Variants in FRMD6 observed in about 807,000 individuals in gnomAD.
The protein encoded by FRMD6 is FERM domain-containing protein 6.
A neutral mutation model predicts 73.2 loss-of-function variants in FRMD6; 37 were observed. That is an observed-to-expected ratio of 0.51 (90% confidence interval 0.39 to 0.66). The LOEUF (loss-of-function observed/expected upper bound fraction) is 0.66. Ranked by LOEUF, FRMD6 falls within the 30% of genes least tolerant of loss-of-function variation. The pLI is 0.00. For synonymous variants in FRMD6, 273 were observed against 282.2 expected, an observed-to-expected ratio of 0.97 and a Z score of 0.33; for missense variants, 714 against 780.5, an observed-to-expected ratio of 0.91 and a Z score of 1.02.
chr14:51,614,030 C>G (rs1216690629), intron 2 of FRMD6, among the ~76,000 whole-genome samples: 3 of 152,130 alleles, frequency 2.0e-5, no homozygotes, highest in Admixed American at 1.3e-4. Context: ...ATCAAACACT[C>G]AATAGCCACA....
At chr14:51,686,629 G>A (rs1169568391) in intron 1 of FRMD6, among the ~76,000 whole-genome samples, 1 of 151,362 alleles carries the variant, frequency 6.6e-6, no homozygotes, top group African/African-American at 2.4e-5. Context: ...TTTGTTCCCT[G>A]GAAAATATGT....
rs568146995 is a variant in FRMD6, at chr14:51,676,430, T to G, written c.-146-13261T>G. On this transcript the variant is annotated intron_variant, in intron 1 of 13. Transcript: ENST00000344768. ...TAGTTTCAGATCCCTGGAAACAAAC[T>G]GTGTAGTAAGTGAAATAACATTTTT... is the stretch of plus-strand genomic sequence containing the variant. Among the ~76,000 whole-genome samples, 3 of 152,312 alleles carry G rather than the reference T, an allele frequency of 2.0e-5. No individual in the cohort carries two copies. In the South Asian group the frequency reaches 6.2e-4, roughly 32 times the overall value.
intron 1 of FRMD6, among the ~76,000 whole-genome samples, chr14:51,514,736 T>C (rs1884522302): frequency 6.6e-6 from 1 of 152,130 alleles, no homozygotes. Flanking sequence ...TAATCCCAGC[T>C]ACTCGGGTGG....
intron 1 of FRMD6, among the ~76,000 whole-genome samples, chr14:51,679,767 C>A (rs770134587): frequency 7.9e-5 from 12 of 152,038 alleles, no homozygotes; most frequent in Non-Finnish European, 1.8e-4. Flanking sequence ...AGTTGATTAA[C>A]AGAATTATGC....
chr14:51,452,042 G>A, the FRMD6 span, among the ~76,000 whole-genome samples: 2 of 152,178 alleles, frequency 1.3e-5, no homozygotes, highest in African/African-American at 4.8e-5. Flanking sequence ...TGAGATTGGT[G>A]TTTTAAAACT....
chr14:51,636,458 C>T lies in FRMD6; in HGVS notation c.-146-53233C>T, dbSNP rs376449519. On this transcript the variant is annotated intron_variant, in intron 2 of 14. Coordinates refer to the FRMD6 transcript ENST00000356218. ...GCCGTAAAGTTCTATTCCTTTCTGC[C>T]AATAACTAAATTGCGCTGGCTGGGC... Among the ~76,000 whole-genome samples the T allele has an allele frequency of 7.9e-5, 12 of 152,230 alleles. No homozygotes were observed. In the East Asian group the frequency reaches 2.1e-3, roughly 27 times the overall value.
the FRMD6 span, among the ~76,000 whole-genome samples, chr14:51,415,321 G>A: frequency 6.6e-5 from 10 of 152,256 alleles, no homozygotes; most frequent in African/African-American, 2.2e-4. Flanking sequence ...TTATTTTGAG[G>A]TAGGTTCCAT....
chr14:51,486,550 A>G (rs1468317398), upstream of FRMD6, among the ~76,000 whole-genome samples: 1 of 152,228 alleles, frequency 6.6e-6, no homozygotes, highest in Non-Finnish European at 1.5e-5. Context: ...ACTGGCACTG[A>G]AAACATAGAA....
chr14:51,683,526 A>T (rs1894954106), intron 1 of FRMD6, among the ~76,000 whole-genome samples: 1 of 151,696 alleles, frequency 6.6e-6, no homozygotes, highest in African/African-American at 2.4e-5. Flanking sequence ...TAACCTCAAT[A>T]AATTTTCCTG....
chr14:51,527,206 A>C (rs1566794059), intron 1 of FRMD6, among the ~76,000 whole-genome samples: 1 of 152,274 alleles, frequency 6.6e-6, no homozygotes, highest in Admixed American at 6.5e-5. Flanking sequence ...CCATTATTTA[A>C]ATAATCTCAT....
At chr14:51,468,839 T>C in the FRMD6 span, among the ~76,000 whole-genome samples, 7 of 152,358 alleles carry the variant, frequency 4.6e-5, no homozygotes, top group South Asian at 1.5e-3. Flanking sequence ...AGGTGATAAA[T>C]TTTGCGAATG....
chr14:51,505,167 G>A (rs772802139), intron 1 of FRMD6, among the ~76,000 whole-genome samples: 1 of 152,098 alleles, frequency 6.6e-6, no homozygotes, highest in African/African-American at 2.4e-5. Context: ...TCTGTCCCCC[G>A]AATATTCTCC....
At chr14:51,727,635 T>C in intron 13 of FRMD6, 110 bp from the exon 14 acceptor site, 1 of 1,077,272 alleles carries the variant, frequency 9.3e-7, no homozygotes, top group Non-Finnish European at 1.3e-6. Context: ...AACCACTTTC[T>C]AACATGTAAG....
At chr14:51,681,847 ACT>A (rs1441517942) in intron 1 of FRMD6, among the ~76,000 whole-genome samples, 6 of 152,222 alleles carry the variant, frequency 3.9e-5, no homozygotes, top group Non-Finnish European at 7.3e-5. Flanking sequence ...CTATGATTAC[ACT>A]GTTTACTGAT....
chr14:51,419,945 T>C, the FRMD6 span, among the ~76,000 whole-genome samples: 58 of 152,202 alleles, frequency 3.8e-4, 1 homozygote, highest in Non-Finnish European at 6.2e-4. Flanking sequence ...CCTCGTTAGG[T>C]GTGGTCATGG....
chr14:51,593,779 G>A (rs1889540939), intron 2 of FRMD6, among the ~76,000 whole-genome samples: 1 of 151,948 alleles, frequency 6.6e-6, no homozygotes. Flanking sequence ...GATATAGTAA[G>A]TACAAAATTG....
At chr14:51,399,399 A>T in the FRMD6 span, among the ~76,000 whole-genome samples, 1 of 152,236 alleles carries the variant, frequency 6.6e-6, no homozygotes, top group South Asian at 2.1e-4. Flanking sequence ...ATTAGCCACC[A>T]TCTGAATGTG....
intron 7 of FRMD6, among the ~76,000 whole-genome samples, chr14:51,709,598 T>G (rs1045082863): frequency 6.6e-6 from 1 of 152,190 alleles, no homozygotes; most frequent in African/African-American, 2.4e-5. Flanking sequence ...GCATTATTAA[T>G]GCCCCATCTT....
At chr14:51,472,716 A>T in the FRMD6 span, among the ~76,000 whole-genome samples, 1 of 150,992 alleles carries the variant, frequency 6.6e-6, no homozygotes, top group African/African-American at 2.4e-5. Flanking sequence ...TTAGCCTCAC[A>T]GCTGAAGCAC....
Sources: allele counts gnomAD v4.1 joint callset (sites outside exome capture counted in the v4.1 genomes callset), GRCh38; gene constraint gnomAD v4.1.1; transcripts MANE v1.5; gene names NCBI Gene and HGNC (gene_info 2026-07-23, HGNC 2026-07-21).